Variants in AFG2A observed in about 807,000 individuals in gnomAD.
The protein encoded by AFG2A is AAA ATPase AFG2A.
At chr4:123,128,996 A>G in the AFG2A span, among the ~76,000 whole-genome samples, 2 of 148,664 alleles carry the variant, frequency 1.3e-5, no homozygotes, top group Non-Finnish European at 3.0e-5. Context: ...AAGTTCTTGC[A>G]TTGTTAATGC....
At chr4:123,076,035 A>G in the AFG2A span, among the ~76,000 whole-genome samples, 78 of 152,012 alleles carry the variant, frequency 5.1e-4, no homozygotes, top group African/African-American at 1.8e-3. Context: ...GTTCATGCCT[A>G]TAATCTCAGC....
the AFG2A span, among the ~76,000 whole-genome samples, chr4:123,157,854 A>G: frequency 6.6e-5 from 10 of 152,338 alleles, no homozygotes; most frequent in Middle Eastern, 3.4e-3. Flanking sequence ...GAAATATGTT[A>G]TTGTTAAAAG....
At chr4:123,089,409 T>A in the AFG2A span, among the ~76,000 whole-genome samples, 1 of 152,202 alleles carries the variant, frequency 6.6e-6, no homozygotes, top group Non-Finnish European at 1.5e-5. Context: ...ACATGTTTAA[T>A]ACGCTTACAA....
the AFG2A span, among the ~76,000 whole-genome samples, chr4:123,229,880 T>C: frequency 6.6e-6 from 1 of 151,956 alleles, no homozygotes; most frequent in Non-Finnish European, 1.5e-5. Context: ...TTTAGAGATA[T>C]CGTATGTTCG....
the AFG2A span, among the ~76,000 whole-genome samples, chr4:123,298,974 A>C: frequency 1.3e-5 from 2 of 152,216 alleles, no homozygotes; most frequent in Non-Finnish European, 2.9e-5. Flanking sequence ...TTGCTGCCAG[A>C]GTGATAGGAT....
chr4:123,016,567 G>A, the AFG2A span, among the ~76,000 whole-genome samples: 21 of 151,178 alleles, frequency 1.4e-4, no homozygotes, highest in Non-Finnish European at 2.1e-4. Context: ...ATGGGATGGC[G>A]GCCGGGTAGA....
At chr4:123,107,468 C>T in the AFG2A span, among the ~76,000 whole-genome samples, 4 of 152,224 alleles carry the variant, frequency 2.6e-5, no homozygotes, top group Non-Finnish European at 5.9e-5. Flanking sequence ...TCAGAAGGGA[C>T]AGAGTGCATG....
At chr4:122,989,217 A>C in the AFG2A span, among the ~76,000 whole-genome samples, 1 of 152,164 alleles carries the variant, frequency 6.6e-6, no homozygotes, top group Non-Finnish European at 1.5e-5. Flanking sequence ...GAAAAAGTAA[A>C]CAACACTTCT....
the AFG2A span, among the ~76,000 whole-genome samples, chr4:123,227,615 A>G: frequency 6.6e-6 from 1 of 152,140 alleles, no homozygotes; most frequent in Non-Finnish European, 1.5e-5. Flanking sequence ...TTTGCTGAGG[A>G]GAGCTTTACT....
At chr4:123,186,161 C>T in the AFG2A span, among the ~76,000 whole-genome samples, 3 of 152,160 alleles carry the variant, frequency 2.0e-5, no homozygotes, top group African/African-American at 7.2e-5. Context: ...GATATAATGA[C>T]AAAAATTCTA....
chr4:123,214,869 T>A, the AFG2A span, among the ~76,000 whole-genome samples: 1 of 152,022 alleles, frequency 6.6e-6, no homozygotes, highest in Non-Finnish European at 1.5e-5. Flanking sequence ...ATAATACATA[T>A]AAAATACAAA....
At chr4:123,132,969 A>T in the AFG2A span, among the ~76,000 whole-genome samples, 2 of 151,830 alleles carry the variant, frequency 1.3e-5, no homozygotes, top group Non-Finnish European at 2.9e-5. Flanking sequence ...TTTAGTAGAG[A>T]CGGGGTTTCA....
the AFG2A span, among the ~76,000 whole-genome samples, chr4:123,154,438 C>T: frequency 6.6e-6 from 1 of 152,108 alleles, no homozygotes; most frequent in East Asian, 1.9e-4. Context: ...TAGCAGAGTA[C>T]AGCATCTAGC....
the AFG2A span, among the ~76,000 whole-genome samples, chr4:123,193,437 C>T: frequency 6.6e-6 from 1 of 152,156 alleles, no homozygotes; most frequent in Non-Finnish European, 1.5e-5. Context: ...TATAAGATTG[C>T]AGATAAACTA....
chr4:123,098,061 A>G, the AFG2A span, among the ~76,000 whole-genome samples: 1 of 152,094 alleles, frequency 6.6e-6, no homozygotes, highest in African/African-American at 2.4e-5. Flanking sequence ...CTACTGTAGT[A>G]GAGTAGTTAC....
chr4:123,154,197 G>C, the AFG2A span, among the ~76,000 whole-genome samples: 3 of 152,022 alleles, frequency 2.0e-5, no homozygotes, highest in East Asian at 5.8e-4. Flanking sequence ...GTTAGACAAT[G>C]TGAAGATTTG....
At chr4:123,191,973 T>C in the AFG2A span, among the ~76,000 whole-genome samples, 4 of 152,160 alleles carry the variant, frequency 2.6e-5, no homozygotes, top group Non-Finnish European at 5.9e-5. Flanking sequence ...ATTTGTGGGT[T>C]TTATGTCTTC....
chr4:123,304,753 CA>C, the AFG2A span, among the ~76,000 whole-genome samples: 1 of 152,192 alleles, frequency 6.6e-6, no homozygotes. Context: ...TTGCTTCATG[CA>C]GAACAGCGGG....
the AFG2A span, among the ~76,000 whole-genome samples, chr4:123,236,635 A>G: frequency 6.6e-6 from 1 of 152,206 alleles, no homozygotes; most frequent in Non-Finnish European, 1.5e-5. Context: ...GCTAAGGCTT[A>G]AGAGCACTTA....
Sources: allele counts gnomAD v4.1 joint callset (sites outside exome capture counted in the v4.1 genomes callset), GRCh38; gene constraint gnomAD v4.1.1; transcripts MANE v1.5; gene names NCBI Gene and HGNC (gene_info 2026-07-23, HGNC 2026-07-21).